The following LMO7 variants were observed in gnomAD, a reference collection of about 807,000 sequenced individuals.
LMO7 encodes the protein LIM domain 7.
In LMO7, 120 loss-of-function variants were observed where a neutral mutation model predicts 206.5. That is an observed-to-expected ratio of 0.58 (90% CI 0.50 to 0.68). The LOEUF (loss-of-function observed/expected upper bound fraction) is 0.68, where lower values mean the gene tolerates loss of function less well. Ranked by LOEUF, LMO7 falls within the 30% of genes least tolerant of loss-of-function variation. LMO7 has a pLI of 0.00. For synonymous variants in LMO7, 706 were observed against 681.5 expected (o/e 1.04, Z -0.56); for missense variants, 1,959 against 1,957.9 (o/e 1.00, Z -0.01).
chr13:75,747,832 T>G (rs2046970553), intron 3 of LMO7, among the ~76,000 whole-genome samples: 1 of 152,168 alleles, frequency 6.6e-6, no homozygotes. Context: ...GGGGAGCATA[T>G]CCTGCATGAT....
At chr13:75,722,928 A>C (rs2044146259) in intron 2 of LMO7, among the ~76,000 whole-genome samples, 1 of 152,226 alleles carries the variant, frequency 6.6e-6, no homozygotes, top group Admixed American at 6.5e-5. Context: ...TGAAAAACCA[A>C]ATATTATATG....
rs770512823 is a variant in LMO7, at chr13:75,841,977, A to G, written c.4025A>G (p.Tyr1342Cys). ...ERETSVRIYQ[Y>C]RRPVDSYDIP... ...GAAACATCAGTCAGAATATACCAGT[A>G]CAGGAGGTATGTCCCCACAGCCAGA... The change falls in exon 24 of 31, where the codon TAC becomes TGC. Residue 1342 changes from tyrosine to cysteine, a missense_variant. Physicochemically the swap from Tyr to Cys is radical, Grantham distance 194 (BLOSUM62 -2). Coordinates refer to ENST00000377534, the MANE Select transcript of LMO7 (RefSeq NM_001306080.2). The G allele has an allele frequency of 5.6e-6, 9 of 1,607,994 alleles. No individual in the cohort carries two copies. The highest frequency in any genetic ancestry group is 7.6e-6 in the Non-Finnish European group (9 of 1,177,078).
chr13:75,662,473 C>G (rs2038693777), intron 1 of LMO7, among the ~76,000 whole-genome samples: 1 of 152,174 alleles, frequency 6.6e-6, no homozygotes, highest in Non-Finnish European at 1.5e-5. Flanking sequence ...CGTGTGCCCC[C>G]ACACCTGGCT....
Position 75,710,720 on chromosome 13 carries a change from G to A in LMO7, c.70-2462G>A, listed in dbSNP as rs561868810. ...TGGGCTGAGATGATGGGGTTTTCTA[G>A]ATATACAATCATGTCATCTGCAAAC... On this transcript the variant is annotated intron_variant, in intron 1 of 30. Transcript: ENST00000377534. Among the ~76,000 whole-genome samples, 800 of 151,982 alleles carry A rather than the reference G, an allele frequency of 5.3e-3. 5 individuals are homozygous for A. Among genetic ancestry groups the A allele is most frequent in the African/African-American group, 0.018 (750 of 41,312 alleles).
At chr13:75,623,015 C>CACTA (rs2033520342) in intron 1 of LMO7, among the ~76,000 whole-genome samples, 1 of 151,984 alleles carries the variant, frequency 6.6e-6, no homozygotes, top group Non-Finnish European at 1.5e-5. Context: ...TCCTGCAAAC[C>CACTA]ACTAGAAAAG....
chr13:75,796,318 CATTG>C (rs2140813692), intron 5 of LMO7, among the ~76,000 whole-genome samples: 1 of 152,234 alleles, frequency 6.6e-6, no homozygotes, highest in South Asian at 2.1e-4. Flanking sequence ...GATGAAAAAA[CATTG>C]ATTGCTTTAA....
chr13:75,846,103 TA>T (rs34018345), intron 26 of LMO7, among the ~76,000 whole-genome samples: 14,608 of 146,768 alleles, frequency 0.1, 790 homozygotes, highest in African/African-American at 0.16. Context: ...ACAGAAAAGT[TA>T]AAAAAAAAAA....
At chr13:75,805,953 C>T in intron 9 of LMO7, 193 bp downstream of exon 9, 1 of 1,130,584 alleles carries the variant, frequency 8.8e-7, no homozygotes, top group South Asian at 1.7e-5. Context: ...TTAAAAAGCC[C>T]TGTTCTATAC....
At chr13:75,709,612 G>T (rs1446459226) in intron 1 of LMO7, among the ~76,000 whole-genome samples, 3 of 152,148 alleles carry the variant, frequency 2.0e-5, no homozygotes, top group African/African-American at 7.2e-5. Flanking sequence ...AGAAGTGTCT[G>T]TTCATATCCT....
intron 1 of LMO7, among the ~76,000 whole-genome samples, chr13:75,639,953 A>G (rs991758047): frequency 2.0e-5 from 3 of 152,166 alleles, no homozygotes; most frequent in Non-Finnish European, 4.4e-5. Context: ...GCACTAGAAT[A>G]TGAGTCCTTC....
At chr13:75,690,492 C>T (rs775921452) in intron 1 of LMO7, among the ~76,000 whole-genome samples, 4 of 152,094 alleles carry the variant, frequency 2.6e-5, no homozygotes, top group Non-Finnish European at 4.4e-5. Context: ...AGGTTTGGCA[C>T]CAATGTATTT....
In LMO7 at chr13:75,805,404, C is replaced by G. The variant is rs1254486639; in HGVS notation, c.915-75C>G. 7 of 1,476,280 alleles carry G rather than the reference C, an allele frequency of 4.7e-6. No homozygotes were observed. The African/African-American group carries it at 9.8e-5, about 21-fold the overall frequency. The allele number at this position is 1,476,280 out of a possible 1,614,324, so 91.4% of individuals were successfully genotyped here. ...TTCACAGTGGTGTAAACTTTGTGAA[C>G]CAGAAAGCATGCCATTTGTGTTCTG... On this transcript the variant is annotated intron_variant, in intron 8 of 30. Transcript: ENST00000377534.
At chr13:75,730,553 A>G (rs1046555604) in intron 3 of LMO7, among the ~76,000 whole-genome samples, 3 of 150,320 alleles carry the variant, frequency 2.0e-5, no homozygotes, top group Admixed American at 6.6e-5. Flanking sequence ...CGGTCTATCA[A>G]TTTTGTTGAT....
chr13:75,852,606 A>G (rs2088256476), intron 27 of LMO7, among the ~76,000 whole-genome samples: 1 of 152,234 alleles, frequency 6.6e-6, no homozygotes, highest in Non-Finnish European at 1.5e-5. Context: ...GTGGTTCTCA[A>G]CTTTCAGTGG....
At chr13:75,846,468 T>C (rs1276697340) in intron 26 of LMO7, among the ~76,000 whole-genome samples, 1 of 152,200 alleles carries the variant, frequency 6.6e-6, no homozygotes, top group Non-Finnish European at 1.5e-5. Context: ...CCTTTCCCTA[T>C]TTGTATTTTC....
chr13:75,787,203 CTGTT>C (rs2052575452), intron 4 of LMO7, among the ~76,000 whole-genome samples: 2 of 152,186 alleles, frequency 1.3e-5, no homozygotes, highest in South Asian at 4.1e-4. Context: ...AATATGCACT[CTGTT>C]TGTGGTTTAC....
rs1243112763 is a variant in LMO7 at position 75,835,226 on chromosome 13, A to C, written c.3227-7A>C. The C allele has an allele frequency of 1.2e-6, 2 of 1,612,396 alleles. No homozygotes were observed. The highest frequency in any genetic ancestry group is 4.5e-5 in the East Asian group (2 of 44,814). On this transcript the variant is annotated splice_region_variant and splice_polypyrimidine_tract_variant and intron_variant, in intron 17 of 30. Transcript: ENST00000377534. Reference sequence around the variant, plus strand: ...CAATCTCACCAGTATGGCTACCAAAATTATAGGTTCACCTGAAACAAAGTG... The same window carrying C: ...CAATCTCACCAGTATGGCTACCAAACTTATAGGTTCACCTGAAACAAAGTG...
intron 3 of LMO7, among the ~76,000 whole-genome samples, chr13:75,733,527 G>A (rs1300565120): frequency 6.6e-6 from 1 of 152,180 alleles, no homozygotes; most frequent in Non-Finnish European, 1.5e-5. Context: ...GGTACCATCT[G>A]TCACCCCTTT....
chr13:75,838,459 A>T, intron 20 of LMO7: 1 of 722,374 alleles, frequency 1.4e-6, no homozygotes, highest in Non-Finnish European at 2.0e-6. Flanking sequence ...TTTGTAAAAA[A>T]AAAAAAAAAA....
Sources: gnomAD v4.1 joint callset for allele counts (sites outside exome capture counted in the v4.1 genomes callset) on GRCh38, gnomAD v4.1.1 for gene constraint, MANE v1.5 for transcripts, NCBI Gene and HGNC (gene_info 2026-07-23, HGNC 2026-07-21) for gene names.